The following RSRC1 variants were observed in gnomAD, a reference collection of about 807,000 sequenced individuals.
RSRC1 encodes the protein arginine and serine rich coiled-coil 1.
Under a neutral mutation model 49.1 loss-of-function variants are expected in RSRC1, and 39 were observed. The observed-to-expected ratio is 0.79, with a 90% confidence interval of 0.61 to 1.04. The LOEUF is 1.04. Among genes scored for constraint, RSRC1 ranks in the 50% least tolerant of loss-of-function variants. The pLI is 0.00. For synonymous variants in RSRC1, 143 were observed against 130.8 expected, an observed-to-expected ratio of 1.09 and a Z score of -0.63; for missense variants, 388 against 402.4, an observed-to-expected ratio of 0.96 and a Z score of 0.31.
Position 158,123,890 on chromosome 3 carries a change from CTCT to C in RSRC1, c.224_226del (p.Ser75del). 1.9e-6 allele frequency: 3 copies of C among 1,611,744 alleles called. No individual in the cohort carries two copies. The highest frequency in any genetic ancestry group is 2.5e-6 in the Non-Finnish European group (3 of 1,178,524). On this transcript the variant is annotated inframe_deletion, in exon 3 of 10. Coordinates refer to ENST00000611884, the MANE Select transcript of RSRC1 (RefSeq NM_001271838.2). ...GACGCAGGCATCGATCAAGCAGTAG[CTCT>C]TCTTATGGCTCCAGAAGGAAACGAA...
At chr3:158,444,033 A>G (rs1736536747) in intron 6 of RSRC1, among the ~76,000 whole-genome samples, 1 of 152,206 alleles carries the variant, frequency 6.6e-6, no homozygotes, top group African/African-American at 2.4e-5. Flanking sequence ...ATCCCAAAAC[A>G]CAGCAGTAGC....
intron 3 of RSRC1, among the ~76,000 whole-genome samples, chr3:158,147,896 A>G (rs1236453328): frequency 6.6e-6 from 1 of 152,190 alleles, no homozygotes; most frequent in Non-Finnish European, 1.5e-5. Context: ...TTTAAACTCT[A>G]TATTTTCAAT....
chr3:158,328,740 T>A (rs1462610609), intron 5 of RSRC1, among the ~76,000 whole-genome samples: 4 of 152,146 alleles, frequency 2.6e-5, no homozygotes, highest in African/African-American at 9.7e-5. Context: ...TCGAGGAGTA[T>A]CTTTGTGGCG....
intron 7 of RSRC1, among the ~76,000 whole-genome samples, chr3:158,505,947 A>G (rs186049640): frequency 6.6e-6 from 1 of 152,202 alleles, no homozygotes; most frequent in Non-Finnish European, 1.5e-5. Context: ...TTTATCATGC[A>G]GAGATTTACA....
intron 5 of RSRC1, among the ~76,000 whole-genome samples, chr3:158,346,733 T>C (rs1266210377): frequency 1.3e-5 from 2 of 152,218 alleles, no homozygotes; most frequent in East Asian, 3.8e-4. Flanking sequence ...GTTAAACATA[T>C]ATTTACCATA....
At chr3:158,129,352 C>T (rs1434396347) in intron 3 of RSRC1, among the ~76,000 whole-genome samples, 1 of 132,708 alleles carries the variant, frequency 7.5e-6, no homozygotes, top group Non-Finnish European at 1.5e-5. Flanking sequence ...TATAGTGACG[C>T]AATTCTCATC....
intron 4 of RSRC1, among the ~76,000 whole-genome samples, chr3:158,287,572 G>T (rs1225144429): frequency 1.3e-5 from 2 of 152,060 alleles, no homozygotes; most frequent in Non-Finnish European, 2.9e-5. Context: ...CCAAAAATAA[G>T]GGATAAGTTA....
chr3:158,204,934 G>C (rs565910285), intron 4 of RSRC1, among the ~76,000 whole-genome samples: 64 of 152,170 alleles, frequency 4.2e-4, no homozygotes, highest in Middle Eastern at 6.8e-3. Flanking sequence ...AGAAAGGTTA[G>C]ATTGTGTTAA....
intron 7 of RSRC1, among the ~76,000 whole-genome samples, chr3:158,467,286 C>T (rs1054794275): frequency 6.6e-6 from 1 of 152,106 alleles, no homozygotes; most frequent in African/African-American, 2.4e-5. Context: ...AGCTTACATT[C>T]TAGAGGATAA....
chr3:158,210,859 T>C (rs988209034), intron 4 of RSRC1, among the ~76,000 whole-genome samples: 2 of 152,110 alleles, frequency 1.3e-5, no homozygotes, highest in African/African-American at 4.8e-5. Context: ...TCAGTACATT[T>C]AAATTATCAC....
intron 7 of RSRC1, among the ~76,000 whole-genome samples, chr3:158,523,639 C>T (rs60237359): frequency 3.9e-5 from 6 of 151,920 alleles, no homozygotes; most frequent in East Asian, 1.9e-4. Flanking sequence ...TAACTGAAGA[C>T]GAATGGGTGC....
chr3:158,196,107 A>G (rs1423138353), intron 3 of RSRC1, among the ~76,000 whole-genome samples: 1 of 151,918 alleles, frequency 6.6e-6, no homozygotes, highest in Non-Finnish European at 1.5e-5. Flanking sequence ...CATTTTCACG[A>G]TATTGATTCT....
intron 5 of RSRC1, among the ~76,000 whole-genome samples, chr3:158,309,616 TATACTG>T (rs1728021012): frequency 6.6e-6 from 1 of 151,796 alleles, no homozygotes. Flanking sequence ...TGCTAGATCT[TATACTG>T]GTACACTCTT....
chr3:158,436,965 C>T (rs572259418), intron 6 of RSRC1, among the ~76,000 whole-genome samples: 22 of 151,906 alleles, frequency 1.4e-4, no homozygotes, highest in African/African-American at 3.4e-4. Context: ...GGATTCAAAC[C>T]GAGACAGTCT....
intron 7 of RSRC1, among the ~76,000 whole-genome samples, chr3:158,481,833 G>A (rs983192514): frequency 2.0e-5 from 3 of 151,754 alleles, no homozygotes; most frequent in Non-Finnish European, 4.4e-5. Flanking sequence ...TCTGCTTTTT[G>A]TCATTTAAAT....
At chr3:158,256,311 G>T (rs763689036) in intron 4 of RSRC1, among the ~76,000 whole-genome samples, 38 of 152,234 alleles carry the variant, frequency 2.5e-4, no homozygotes, top group African/African-American at 8.7e-4. Context: ...AGCACCTCTC[G>T]AGATAATAAT....
chr3:158,390,228 C>T (rs1296875193), intron 6 of RSRC1, among the ~76,000 whole-genome samples: 1 of 152,138 alleles, frequency 6.6e-6, no homozygotes, highest in Admixed American at 6.6e-5. Context: ...AAAATACTAT[C>T]AAAAGTCCTT....
At chr3:158,298,226 A>AT in intron 5 of RSRC1, 151 bp downstream of exon 5, 1 of 558,474 alleles carries the variant, frequency 1.8e-6, no homozygotes, top group Non-Finnish European at 3.1e-6. Context: ...AGGCACTTAC[A>AT]TTTTCATTTC....
intron 5 of RSRC1, among the ~76,000 whole-genome samples, chr3:158,340,305 G>A (rs1239040879): frequency 6.6e-6 from 1 of 152,156 alleles, no homozygotes; most frequent in African/African-American, 2.4e-5. Context: ...CACTTTGGGA[G>A]GCCGAGGTGG....
Sources: gnomAD v4.1 joint callset for allele counts (sites outside exome capture counted in the v4.1 genomes callset) on GRCh38, gnomAD v4.1.1 for gene constraint, MANE v1.5 for transcripts, NCBI Gene and HGNC (gene_info 2026-07-23, HGNC 2026-07-21) for gene names.